Variants in TXNDC9 observed in about 807,000 individuals in gnomAD.
TXNDC9 encodes thioredoxin domain containing 9, also known as thioredoxin domain-containing protein 9.
Under a neutral mutation model 23.0 loss-of-function variants are expected in TXNDC9, and 7 were observed. That is an observed-to-expected ratio of 0.30 (90% confidence interval 0.17 to 0.57). TXNDC9 has a LOEUF of 0.57. Among genes scored for constraint, TXNDC9 ranks in the 20% least tolerant of loss-of-function variants. The pLI is 0.90. For synonymous variants in TXNDC9, 72 were observed against 90.6 expected, an observed-to-expected ratio of 0.79 and a Z score of 1.17; for missense variants, 198 against 252.6, an observed-to-expected ratio of 0.78 and a Z score of 1.47.
chr2:99,323,028 T>C (rs1244822191), intron 3 of TXNDC9, among the ~76,000 whole-genome samples: 1 of 152,072 alleles, frequency 6.6e-6, no homozygotes, highest in African/African-American at 2.4e-5. Context: ...CCCGAAGTGC[T>C]AGGATTACAA....
At chr2:99,317,730 C>T (rs907683773), downstream of TXNDC9, among the ~76,000 whole-genome samples, 8 of 151,824 alleles carry the variant, frequency 5.3e-5, no homozygotes, top group African/African-American at 1.7e-4. Context: ...CTCCCGCCTC[C>T]GCATCCCAAA....
the TXNDC9 span, among the ~76,000 whole-genome samples, chr2:99,312,381 C>A: frequency 6.6e-6 from 1 of 151,586 alleles, no homozygotes; most frequent in Admixed American, 6.6e-5. Flanking sequence ...CTTGTACTCC[C>A]AGCTACTGGG....
intron 3 of TXNDC9, among the ~76,000 whole-genome samples, chr2:99,325,923 A>C (rs1416191742): frequency 6.6e-6 from 1 of 152,066 alleles, no homozygotes; most frequent in Non-Finnish European, 1.5e-5. Context: ...AGGCAGGAGA[A>C]TCACTTGAAC....
At position 99,319,423 on chromosome 2, in the gene TXNDC9, G is replaced by T; in HGVS notation, c.*259C>A. ...AATTGTAAATGGTATAAAGATGTAAGAATCATATTGTGATAAAGTCAATCT... is the reference window on the plus strand; with the variant it reads ...AATTGTAAATGGTATAAAGATGTAATAATCATATTGTGATAAAGTCAATCT... On this transcript the variant is annotated 3_prime_UTR_variant, in exon 5 of 5. Transcript: ENST00000264255. The T allele has an allele frequency of 3.3e-6, 1 of 306,944 alleles. No homozygotes were observed. Among genetic ancestry groups the T allele is most frequent in the East Asian group, 6.9e-5 (1 of 14,474 alleles). The allele number at this position is 306,944 out of a possible 1,614,324, so 19.0% of individuals were successfully genotyped here. A position where few individuals can be genotyped will look rare whatever the true frequency, so the allele number is the denominator to read the frequency against.
At chr2:99,321,809 A>G in intron 4 of TXNDC9, 146 bp downstream of exon 4, 1 of 956,452 alleles carries the variant, frequency 1.0e-6, no homozygotes, top group Non-Finnish European at 1.5e-6. Flanking sequence ...ACACTTCAAA[A>G]AAACATGCTT....
chr2:99,317,210 C>A (rs2094191168), downstream of TXNDC9, among the ~76,000 whole-genome samples: 1 of 152,170 alleles, frequency 6.6e-6, no homozygotes, highest in Non-Finnish European at 1.5e-5. Flanking sequence ...AACCTATTGA[C>A]CCTCTCAGTT....
At chr2:99,308,850 T>G in the TXNDC9 span, among the ~76,000 whole-genome samples, 8 of 152,040 alleles carry the variant, frequency 5.3e-5, no homozygotes, top group Admixed American at 5.2e-4. Flanking sequence ...TAGCTGGGAC[T>G]ACAGGTGCTC....
the TXNDC9 span, among the ~76,000 whole-genome samples, chr2:99,307,102 CCT>C: frequency 4.5e-3 from 546 of 122,094 alleles, 5 homozygotes; most frequent in African/African-American, 0.014. Context: ...CTCTCTCTCT[CCT>C]TCTCACTCTC....
chr2:99,321,527 A>C (rs1211688981), intron 4 of TXNDC9: 1 of 153,740 alleles, frequency 6.5e-6, no homozygotes, highest in African/African-American at 2.4e-5. Context: ...GTATTTTAAA[A>C]TATAACTTTC....
chr2:99,315,983 G>A (rs1022107037), downstream of TXNDC9, among the ~76,000 whole-genome samples: 5 of 152,122 alleles, frequency 3.3e-5, no homozygotes, highest in Non-Finnish European at 5.9e-5. Flanking sequence ...TTGCAAAAAG[G>A]TATCTGGGAG....
downstream of TXNDC9, among the ~76,000 whole-genome samples, chr2:99,316,123 T>C (rs908001361): frequency 2.5e-4 from 37 of 150,680 alleles, 1 homozygote; most frequent in South Asian, 8.3e-4. Context: ...TTTTCTTTTT[T>C]TTTTTTTTTT....
At chr2:99,333,714 A>T in intron 1 of TXNDC9, among the ~76,000 whole-genome samples, 1 of 152,234 alleles carries the variant, frequency 6.6e-6, no homozygotes, top group South Asian at 2.1e-4. Flanking sequence ...GTTGAGCAAA[A>T]CACAGATTTT....
At chr2:99,322,614 G>A (rs941032336) in intron 3 of TXNDC9, 4 of 1,542,836 alleles carry the variant, frequency 2.6e-6, no homozygotes, top group Admixed American at 4.1e-5. Flanking sequence ...AAGAAAAACT[G>A]AACAGCATTA....
downstream of TXNDC9, among the ~76,000 whole-genome samples, chr2:99,316,111 C>CTTT (rs1559231489): frequency 4.4e-5 from 3 of 67,416 alleles, no homozygotes; most frequent in Non-Finnish European, 9.6e-5. Flanking sequence ...CTTTGCATTT[C>CTTT]TTTTTCTTTT....
At chr2:99,316,908 C>T, downstream of TXNDC9, among the ~76,000 whole-genome samples, 1 of 152,168 alleles carries the variant, frequency 6.6e-6, no homozygotes, top group Non-Finnish European at 1.5e-5. Flanking sequence ...AGGCGCCCGC[C>T]ACCACGCCCG....
intron 2 of TXNDC9, among the ~76,000 whole-genome samples, chr2:99,330,290 C>CAGAAAAAAAAA (rs2094221719): frequency 3.6e-5 from 1 of 28,160 alleles, no homozygotes. Flanking sequence ...ACTCTTATCT[C>CAGAAAAAAAAA]AAAAAAAAAA....
intron 4 of TXNDC9, among the ~76,000 whole-genome samples, chr2:99,320,165 G>A (rs1459329676): frequency 6.6e-6 from 1 of 152,018 alleles, no homozygotes; most frequent in African/African-American, 2.4e-5. Context: ...GTGCCACCAT[G>A]CTCAGTTAAT....
chr2:99,317,373 C>T (rs1480707251), downstream of TXNDC9, among the ~76,000 whole-genome samples: 7 of 152,124 alleles, frequency 4.6e-5, no homozygotes, highest in Admixed American at 3.3e-4. Context: ...TGCCCTCCAG[C>T]GCATTTCTTC....
chr2:99,316,926 T>C (rs916774104), downstream of TXNDC9, among the ~76,000 whole-genome samples: 2 of 152,028 alleles, frequency 1.3e-5, no homozygotes, highest in Non-Finnish European at 2.9e-5. Context: ...CCGGCTAATT[T>C]TTTGTATTTT....
Sources: gnomAD v4.1 joint callset for allele counts (sites outside exome capture counted in the v4.1 genomes callset) on GRCh38, gnomAD v4.1.1 for gene constraint, MANE v1.5 for transcripts, NCBI Gene and HGNC (gene_info 2026-07-23, HGNC 2026-07-21) for gene names.